Variants in ATP11B observed in about 807,000 individuals in gnomAD.
ATP11B encodes the protein ATPase phospholipid transporting 11B (putative), also known as phospholipid-transporting ATPase IF.
A neutral mutation model predicts 157.8 loss-of-function variants in ATP11B; 81 were observed. The observed-to-expected ratio is 0.51, with a 90% CI of 0.43 to 0.62. The LOEUF (loss-of-function observed/expected upper bound fraction) is 0.62. Among genes scored for constraint, ATP11B ranks in the 20% least tolerant of loss-of-function variants. The pLI is 0.00. For missense variants in ATP11B, 1,165 were observed against 1,402.2 expected (o/e 0.83, Z 2.70); for synonymous variants, 451 against 469.4 (o/e 0.96, Z 0.51).
At chr3:182,867,230 CA>C in intron 14 of ATP11B, 145 bp from the exon 15 acceptor site, 1 of 606,346 alleles carries the variant, frequency 1.6e-6, no homozygotes, top group Non-Finnish European at 2.8e-6. Context: ...CTCCTGGCAC[CA>C]AAGTTGTAAT....
At chr3:182,809,659 A>G (rs944281385) in intron 1 of ATP11B, among the ~76,000 whole-genome samples, 2 of 152,214 alleles carry the variant, frequency 1.3e-5, no homozygotes, top group African/African-American at 4.8e-5. Context: ...GCTCTAAGCA[A>G]GTATATCCAG....
chr3:182,816,345 A>G (rs1716968761), intron 1 of ATP11B, among the ~76,000 whole-genome samples: 1 of 152,174 alleles, frequency 6.6e-6, no homozygotes, highest in Non-Finnish European at 1.5e-5. Flanking sequence ...AGGAGCAGGC[A>G]AGCATTAAGG....
At chr3:182,813,618 C>T (rs1385817018) in intron 1 of ATP11B, among the ~76,000 whole-genome samples, 1 of 152,168 alleles carries the variant, frequency 6.6e-6, no homozygotes, top group Non-Finnish European at 1.5e-5. Context: ...CCCTCTTATA[C>T]TAGTAATGGT....
chr3:182,878,197 CAACA>C (rs746533850), intron 19 of ATP11B, among the ~76,000 whole-genome samples: 75 of 152,202 alleles, frequency 4.9e-4, no homozygotes, highest in Non-Finnish European at 6.0e-4. Flanking sequence ...CAGTACAACA[CAACA>C]GTGATTAGGC....
intron 1 of ATP11B, among the ~76,000 whole-genome samples, chr3:182,819,636 A>C (rs34898355): frequency 1.3e-5 from 2 of 152,240 alleles, no homozygotes; most frequent in African/African-American, 4.8e-5. Flanking sequence ...AATTGATACT[A>C]TAATGGCTCA....
At chr3:182,914,844 C>T in intron 29 of ATP11B, 3 of 985,372 alleles carry the variant, frequency 3.0e-6, no homozygotes, top group Non-Finnish European at 3.6e-6. Context: ...GCTTTTTCCA[C>T]ACTTGGTGTT....
intron 2 of ATP11B, among the ~76,000 whole-genome samples, chr3:182,824,113 A>T (rs1717562563): frequency 1.3e-5 from 2 of 151,996 alleles, no homozygotes; most frequent in Admixed American, 6.6e-5. Context: ...CTTTTTTCGT[A>T]ACATAATGCT....
At chr3:182,827,828 CT>C (rs980445601) in intron 2 of ATP11B, among the ~76,000 whole-genome samples, 2 of 151,724 alleles carry the variant, frequency 1.3e-5, no homozygotes, top group African/African-American at 4.8e-5. Flanking sequence ...TGTTTTAGAT[CT>C]GCTTTCTCTA....
chr3:182,865,370 G>A lies in ATP11B; in HGVS notation c.1201-86G>A, dbSNP rs975546558. ...ATATTAATAGATAAACTGGACTTCA[G>A]GAGAGCGAGGACAGAGATTTTTTTC... On this transcript the variant is annotated intron_variant, in intron 12 of 29. Transcript: ENST00000323116. 23 of 1,366,378 alleles carry A rather than the reference G, an allele frequency of 1.7e-5. No homozygotes were observed. In the African/African-American group the frequency reaches 2.8e-4, roughly 16 times the overall value. The allele number at this position is 1,366,378 out of a possible 1,614,324, so 84.6% of individuals were successfully genotyped here.
intron 25 of ATP11B, 78 bp downstream of exon 25, chr3:182,889,626 T>A (rs1219628827): frequency 8.2e-7 from 1 of 1,226,352 alleles, no homozygotes; most frequent in African/African-American, 1.6e-5. Context: ...AAAGTAAAAT[T>A]TAATTTAAAT....
At position 182,918,227 on chromosome 3, in the gene ATP11B, C is replaced by T. The variant is rs1423631603; in HGVS notation, c.*123C>T. ...CAAAATCTTTGTAGTAGTTCATACC[C>T]ACTCAGAGTTATAATGGCAAACAAA... On this transcript the variant is annotated 3_prime_UTR_variant, in exon 30 of 30. Transcript: ENST00000323116. 1 of 1,378,456 alleles carries T rather than the reference C, an allele frequency of 7.3e-7. No individual in the cohort carries two copies. The highest frequency in any genetic ancestry group is 2.3e-5 in the Admixed American group (1 of 42,874). 85.4% of individuals were successfully genotyped at this position (1,378,456 alleles called of 1,614,324 possible). A position where few individuals can be genotyped will look rare whatever the true frequency, so the allele number is the denominator to read the frequency against.
intron 8 of ATP11B, chr3:182,844,759 C>T (rs749421708): frequency 6.1e-6 from 1 of 164,658 alleles, no homozygotes; most frequent in Non-Finnish European, 1.3e-5. Flanking sequence ...TTTTCCCTTT[C>T]AAAGCTGTTT....
intron 17 of ATP11B, among the ~76,000 whole-genome samples, chr3:182,871,183 A>G (rs1721632961): frequency 1.3e-5 from 2 of 152,016 alleles, no homozygotes; most frequent in Non-Finnish European, 1.5e-5. Flanking sequence ...CTGTAGACCT[A>G]GCTACTCAGG....
chr3:182,854,236 G>A (rs574617510), intron 10 of ATP11B, among the ~76,000 whole-genome samples: 117 of 152,278 alleles, frequency 7.7e-4, no homozygotes, highest in African/African-American at 2.6e-3. Flanking sequence ...TTGGGAGGCC[G>A]AGACGGGCAG....
chr3:182,863,079 G>C (rs1165107680), intron 12 of ATP11B, among the ~76,000 whole-genome samples: 1 of 151,808 alleles, frequency 6.6e-6, no homozygotes, highest in Non-Finnish European at 1.5e-5. Context: ...ACCACACCTG[G>C]CTAATTTTTT....
In ATP11B at chr3:182,895,131, A is replaced by G. The variant is rs989075832; in HGVS notation, c.2983-1569A>G. Among the ~76,000 whole-genome samples the G allele has an allele frequency of 3.5e-4, 53 of 151,384 alleles. No individual in the cohort carries two copies. The East Asian group carries it at 9.5e-3, about 27-fold the overall frequency. ...CTGACTCAAAAAAAAAAAAAAAAAA[A>G]AAAAAGGAAAGTATCTGTGTCCATA... On this transcript the variant is annotated intron_variant, in intron 25 of 29. Coordinates refer to ENST00000323116, the MANE Select transcript of ATP11B (RefSeq NM_014616.3).
At chr3:182,870,074 A>T (rs1048314674) in intron 17 of ATP11B, among the ~76,000 whole-genome samples, 1 of 148,582 alleles carries the variant, frequency 6.7e-6, no homozygotes, top group African/African-American at 2.6e-5. Context: ...AAAGCTCATT[A>T]ATGATTGCCA....
At chr3:182,811,206 C>T (rs1716643993) in intron 1 of ATP11B, among the ~76,000 whole-genome samples, 1 of 152,168 alleles carries the variant, frequency 6.6e-6, no homozygotes, top group African/African-American at 2.4e-5. Flanking sequence ...AAATAGTAAA[C>T]AGCACTTCAT....
intron 10 of ATP11B, among the ~76,000 whole-genome samples, chr3:182,855,827 A>G (rs183599923): frequency 6.6e-6 from 1 of 152,288 alleles, no homozygotes; most frequent in Non-Finnish European, 1.5e-5. Context: ...AGAGAAGCAA[A>G]TTAGAACCAC....
Sources: allele counts gnomAD v4.1 joint callset (sites outside exome capture counted in the v4.1 genomes callset), GRCh38; gene constraint gnomAD v4.1.1; transcripts MANE v1.5; gene names NCBI Gene and HGNC (gene_info 2026-07-23, HGNC 2026-07-21).